DYNC2H1: variants seen among roughly 807,000 people sequenced by gnomAD.
The protein encoded by DYNC2H1 is cytoplasmic dynein 2 heavy chain 1.
In DYNC2H1, 410 loss-of-function variants were observed where a neutral mutation model predicts 570.0. That is an observed-to-expected ratio of 0.72 (90% confidence interval 0.66 to 0.78). The LOEUF is 0.78. Ranked by LOEUF, DYNC2H1 falls within the 30% of genes least tolerant of loss-of-function variation. The pLI, the probability that DYNC2H1 is intolerant of heterozygous loss-of-function variation, is 0.00. For synonymous variants in DYNC2H1, 1,688 were observed against 1,677.6 expected (o/e 1.01, Z -0.15); for missense variants, 4,865 against 5,046.4 (o/e 0.96, Z 1.09).
rs1938406268 is a variant in DYNC2H1, at chr11:103,325,130, A to G, written c.12039+1140A>G. 6.6e-6 allele frequency among the ~76,000 whole-genome samples: 1 copy of G among 152,058 alleles called. No homozygotes were observed. The highest frequency in any genetic ancestry group is 1.5e-5 in the Non-Finnish European group (1 of 68,006). The stretch of plus-strand genomic sequence containing the variant: ...GACATTGGACCTTTGTTGAGTACTT[A>G]GTTTGCAAACATTTTCTCCTATTCT... On this transcript the variant is annotated intron_variant, in intron 82 of 88. Coordinates refer to ENST00000375735, the MANE Select transcript of DYNC2H1 (RefSeq NM_001377.3). The surrounding 1 kb of genome is among the most constrained non-coding windows in gnomAD (Gnocchi z 4.8).
intron 13 of DYNC2H1, among the ~76,000 whole-genome samples, chr11:103,131,740 A>G (rs546480251): frequency 2.8e-4 from 43 of 152,186 alleles, no homozygotes; most frequent in Middle Eastern, 3.4e-3. Flanking sequence ...TTAGCACTTT[A>G]AACATTTTCC....
intron 18 of DYNC2H1, among the ~76,000 whole-genome samples, chr11:103,146,041 C>T (rs552943887): frequency 9.9e-5 from 15 of 152,180 alleles, no homozygotes; most frequent in African/African-American, 3.4e-4. Context: ...TGAGTCTTTA[C>T]GTGTCAGGAT....
chr11:103,414,751 G>A (rs865781230), intron 84 of DYNC2H1, among the ~76,000 whole-genome samples: 9 of 152,010 alleles, frequency 5.9e-5, no homozygotes, highest in African/African-American at 1.7e-4. Flanking sequence ...GACAAGCAAA[G>A]AGCCAAATCA....
chr11:103,371,757 A>G (rs1941154851), intron 83 of DYNC2H1, among the ~76,000 whole-genome samples: 2 of 152,106 alleles, frequency 1.3e-5, no homozygotes, highest in Admixed American at 1.3e-4. Context: ...CAGATAGCTC[A>G]CTATTAGTGG....
At chr11:103,287,282 C>T (rs1866388851) in intron 74 of DYNC2H1, among the ~76,000 whole-genome samples, 1 of 152,028 alleles carries the variant, frequency 6.6e-6, no homozygotes, top group African/African-American at 2.4e-5. Flanking sequence ...TTATTAGATC[C>T]AGAAGATGTT....
At chr11:103,467,784 G>A (rs940174940) in intron 87 of DYNC2H1, among the ~76,000 whole-genome samples, 13 of 152,092 alleles carry the variant, frequency 8.5e-5, no homozygotes, top group African/African-American at 2.7e-4. Context: ...TGATCCGCCC[G>A]CCTCAGCCTC....
At chr11:103,210,041 G>A in intron 53 of DYNC2H1, 81 bp downstream of exon 53, 3 of 1,315,616 alleles carry the variant, frequency 2.3e-6, no homozygotes, top group Non-Finnish European at 2.9e-6. Flanking sequence ...ATCCATTAAA[G>A]ATTCATGATT....
Position 103,173,305 on chromosome 11 carries a change from G to A in DYNC2H1, c.5558G>A (p.Arg1853Lys). Reference protein sequence around the residue: ...RKLVAIFNLSRELLTPQQHYD... With the variant: ...RKLVAIFNLSKELLTPQQHYD... ...TTGGTAGCTATTTTCAATCTATCTA[G>A]GTGAGTTTTCTTGTTCTAAATATTT... is the stretch of plus-strand genomic sequence containing the variant. Residue 1853 changes from arginine (R) to lysine (K), a missense_variant and splice_region_variant, in exon 35 of 89, where the codon AGG (arginine) becomes AAG (lysine). Arg to Lys is a conservative substitution (Grantham distance 26, BLOSUM62 2). Transcript: ENST00000375735. 1 of 1,545,258 alleles carries A rather than the reference G, an allele frequency of 6.5e-7. No homozygotes were observed. Among genetic ancestry groups the A allele is most frequent in the South Asian group, 1.3e-5 (1 of 77,402 alleles).
At chr11:103,349,599 C>G (rs1441366205) in intron 82 of DYNC2H1, among the ~76,000 whole-genome samples, 1 of 152,084 alleles carries the variant, frequency 6.6e-6, no homozygotes, top group Non-Finnish European at 1.5e-5. Flanking sequence ...CAGCCTAGTA[C>G]TGCAAATAAT....
rs1487098589 is a variant in DYNC2H1 at position 103,465,561 on chromosome 11, G to A, written c.12649-3028G>A. ...CAATTTATTATTTTCTCACAATTCT[G>A]TGGGTTGCCTAGTAGATCCTTTGCT... On this transcript the variant is annotated intron_variant, in intron 87 of 88. Coordinates refer to ENST00000375735, the MANE Select transcript of DYNC2H1 (RefSeq NM_001377.3). This position sits in a 1 kb window ranked among gnomAD's most constrained non-coding sequence, Gnocchi z 4.9. Among the ~76,000 whole-genome samples, 4 of 151,964 alleles carry A rather than the reference G, an allele frequency of 2.6e-5. No individual in the cohort carries two copies. Among genetic ancestry groups the A allele is most frequent in the Admixed American group, 2.6e-4 (4 of 15,256 alleles).
intron 75 of DYNC2H1, among the ~76,000 whole-genome samples, chr11:103,298,256 C>T (rs1478526164): frequency 6.6e-6 from 1 of 152,032 alleles, no homozygotes; most frequent in Non-Finnish European, 1.5e-5. Flanking sequence ...ATATCAGAAC[C>T]TTTGCACTTG....
chr11:103,219,971 AGTT>A lies in DYNC2H1; in HGVS notation c.8893_8895del (p.Val2965del). On this transcript the variant is annotated inframe_deletion, in exon 56 of 89. Coordinates refer to ENST00000375735, the MANE Select transcript of DYNC2H1 (RefSeq NM_001377.3). ...GACTGAAGCACAGAATAGCAGAAGA[AGTT>A]GTTAAAATTGAAGAAAGAAAAAATA... 1 of 1,508,216 alleles carries A rather than the reference AGTT, an allele frequency of 6.6e-7. No homozygotes were observed. Among genetic ancestry groups the A allele is most frequent in the Non-Finnish European group, 8.8e-7 (1 of 1,138,048 alleles). The allele number at this position is 1,508,216 out of a possible 1,614,324, so 93.4% of individuals were successfully genotyped here.
intron 80 of DYNC2H1, among the ~76,000 whole-genome samples, chr11:103,317,729 G>A (rs575756760): frequency 6.6e-6 from 1 of 152,090 alleles, no homozygotes; most frequent in South Asian, 2.1e-4. Flanking sequence ...TCTTCCTATT[G>A]TTCACTTCTC....
chr11:103,142,639 A>G (rs1860014212), intron 17 of DYNC2H1, among the ~76,000 whole-genome samples: 1 of 152,162 alleles, frequency 6.6e-6, no homozygotes, highest in Admixed American at 6.5e-5. Context: ...ACTGTACTCC[A>G]GGCTGGGTGG....
intron 82 of DYNC2H1, among the ~76,000 whole-genome samples, chr11:103,343,902 T>G (rs1023342300): frequency 1.3e-5 from 2 of 152,212 alleles, no homozygotes; most frequent in Non-Finnish European, 2.9e-5. Context: ...TGTCATATTA[T>G]TGCATATCTT....
chr11:103,339,482 G>T (rs772402503), intron 82 of DYNC2H1, among the ~76,000 whole-genome samples: 10 of 152,226 alleles, frequency 6.6e-5, no homozygotes, highest in Non-Finnish European at 1.3e-4. Flanking sequence ...GCAAAGACCT[G>T]CAACTGAAGG....
chr11:103,122,790 A>G (rs769662506), intron 10 of DYNC2H1, 35 bp from the exon 11 acceptor site: 12 of 1,573,410 alleles, frequency 7.6e-6, no homozygotes, highest in African/African-American at 2.7e-5. Context: ...TTTGGAATTT[A>G]AATAATGCAC....
intron 47 of DYNC2H1, among the ~76,000 whole-genome samples, chr11:103,194,840 C>T (rs1862458694): frequency 6.6e-6 from 1 of 152,162 alleles, no homozygotes. Context: ...GCCTCAGCCT[C>T]CCGAGTAGCT....
rs1860762118 is a variant in DYNC2H1, at chr11:103,155,310, TC to T, written c.3574-20del. 4.0e-6 allele frequency: 6 copies of T among 1,489,052 alleles called. No homozygotes were observed. Among genetic ancestry groups the T allele is most frequent in the Non-Finnish European group, 4.4e-6 (5 of 1,127,562 alleles). The allele number at this position is 1,489,052 out of a possible 1,614,324, so 92.2% of individuals were successfully genotyped here. A position where few individuals can be genotyped will look rare whatever the true frequency, so the allele number is the denominator to read the frequency against. On this transcript the variant is annotated intron_variant, in intron 24 of 88. Coordinates refer to ENST00000375735, the MANE Select transcript of DYNC2H1 (RefSeq NM_001377.3). ...GTATATGTGTATACATATGACTTTTTCTTTTTTTTTTTTGTAACAGATCGTA... is the reference window on the plus strand; with the variant it reads ...GTATATGTGTATACATATGACTTTTTTTTTTTTTTTTTGTAACAGATCGTA...
Sources: gnomAD v4.1 joint callset for allele counts (sites outside exome capture counted in the v4.1 genomes callset) on GRCh38, gnomAD v4.1.1 for gene constraint, Gnocchi (gnomAD v3.1) non-coding constraint, MANE v1.5 for transcripts, NCBI Gene and HGNC (gene_info 2026-07-23, HGNC 2026-07-21) for gene names.